Variants in UAP1 observed in about 807,000 individuals in gnomAD.
UAP1 encodes the protein UDP-N-acetylhexosamine pyrophosphorylase.
Under a neutral mutation model 58.5 loss-of-function variants are expected in UAP1, and 25 were observed. The observed-to-expected ratio is 0.43, with a 90% CI of 0.31 to 0.60. UAP1 has a LOEUF of 0.60. Among genes scored for constraint, UAP1 ranks in the 20% least tolerant of loss-of-function variants. UAP1 has a pLI of 0.11. For synonymous variants in UAP1, 208 were observed against 213.0 expected (o/e 0.98, Z 0.21); for missense variants, 575 against 630.0 (o/e 0.91, Z 0.93).
intron 8 of UAP1, among the ~76,000 whole-genome samples, chr1:162,591,466 C>T (rs78959404): frequency 0.01 from 1,592 of 152,192 alleles, 22 homozygotes; most frequent in African/African-American, 0.036. Flanking sequence ...AAGTACTTTT[C>T]AGCTAAATCT....
At chr1:162,581,413 G>T (rs562662751) in exon 5 of UAP1, 1 of 1,614,016 alleles carries the variant, frequency 6.2e-7, no homozygotes, top group Non-Finnish European at 8.5e-7. Context: ...GCAGACCCAC[G>T]GTTCATTGGA....
intron 2 of UAP1, among the ~76,000 whole-genome samples, chr1:162,570,009 T>C (rs1353227828): frequency 6.6e-6 from 1 of 151,822 alleles, no homozygotes; most frequent in African/African-American, 2.4e-5. Flanking sequence ...ATTAGCCAGG[T>C]GTGGTGGCAG....
intron 8 of UAP1, among the ~76,000 whole-genome samples, 182 bp from the exon 9 acceptor site, chr1:162,592,550 C>T (rs556482471): frequency 1.2e-3 from 178 of 152,226 alleles, no homozygotes; most frequent in South Asian, 8.9e-3. Flanking sequence ...ACATTGTCCT[C>T]ATGTTTCATC....
At position 162,567,574 on chromosome 1, in the gene UAP1, T is replaced by C. The variant is rs1181637704; in HGVS notation, c.280+1226T>C. 3.9e-5 allele frequency among the ~76,000 whole-genome samples: 6 copies of C among 152,224 alleles called. No homozygotes were observed. The South Asian group carries it at 8.3e-4, about 21-fold the overall frequency. ...CTGTAAGTAAAATGTTGACTAAATATTGTAGCTGATTCCCTCAGTGTTGGT... is the reference window on the plus strand; with the variant it reads ...CTGTAAGTAAAATGTTGACTAAATACTGTAGCTGATTCCCTCAGTGTTGGT... On this transcript the variant is annotated intron_variant, in intron 2 of 10. Transcript: ENST00000271469.
chr1:162,584,558 C>T lies in UAP1; in HGVS notation c.835-2917C>T, dbSNP rs149883228. ...ATGCAGTGGCATTATCATGGCTTCACTGCAGCCTCGACCTCCTGGGTTCAG... is the reference window on the plus strand; with the variant it reads ...ATGCAGTGGCATTATCATGGCTTCATTGCAGCCTCGACCTCCTGGGTTCAG... On this transcript the variant is annotated intron_variant, in intron 5 of 10. Coordinates refer to ENST00000271469, the Ensembl canonical transcript of UAP1. 8.1e-3 allele frequency among the ~76,000 whole-genome samples: 1,233 copies of T among 152,338 alleles called. 24 individuals are homozygous for T. The highest frequency in any genetic ancestry group is 0.028 in the African/African-American group (1,153 of 41,572).
intron 5 of UAP1, among the ~76,000 whole-genome samples, chr1:162,581,792 A>G (rs376000835): frequency 2.6e-5 from 4 of 152,208 alleles, no homozygotes; most frequent in East Asian, 3.8e-4. Flanking sequence ...TCCTGTGACA[A>G]AGTTATTGGA....
intron 8 of UAP1, 118 bp from the exon 9 acceptor site, chr1:162,592,614 C>T (rs1001171209): frequency 1.0e-5 from 8 of 772,900 alleles, no homozygotes; most frequent in South Asian, 1.7e-5. Flanking sequence ...TCTCTTGGGA[C>T]GAATTTATGA....
chr1:162,590,793 G>T (rs1304296465), intron 8 of UAP1, among the ~76,000 whole-genome samples: 1 of 151,512 alleles, frequency 6.6e-6, no homozygotes, highest in African/African-American at 2.4e-5. Flanking sequence ...ACTAAATAAT[G>T]ATCAGAAGAT....
chr1:162,590,552 G>T, intron 8 of UAP1, 41 bp downstream of exon 8: 5 of 1,499,220 alleles, frequency 3.3e-6, no homozygotes, highest in Admixed American at 2.1e-5. Flanking sequence ...ATCCTTTCTT[G>T]GACTTTTCCT....
At chr1:162,576,621 C>T (rs1162312372) in intron 2 of UAP1, among the ~76,000 whole-genome samples, 156 bp from the exon 3 acceptor site, 3 of 152,196 alleles carry the variant, frequency 2.0e-5, no homozygotes, top group Non-Finnish European at 2.9e-5. Flanking sequence ...AGATTCTCCA[C>T]CACTAGCCTG....
chr1:162,589,199 TTATATTTAAA>T (rs1655133084), intron 7 of UAP1, among the ~76,000 whole-genome samples: 1 of 55,266 alleles, frequency 1.8e-5, no homozygotes, highest in Non-Finnish European at 3.7e-5. Flanking sequence ...ATATTATATA[TTATATTTAAA>T]TATATATAAT....
intron 9 of UAP1, among the ~76,000 whole-genome samples, chr1:162,596,809 A>G (rs927622935): frequency 7.2e-5 from 11 of 152,230 alleles, no homozygotes; most frequent in African/African-American, 2.7e-4. Context: ...TGGTTTGACA[A>G]GAGACTAATA....
downstream of UAP1, among the ~76,000 whole-genome samples, chr1:162,600,724 C>A (rs143736669): frequency 6.7e-6 from 1 of 149,502 alleles, no homozygotes; most frequent in Non-Finnish European, 1.5e-5. Context: ...AGGCCTAAAT[C>A]ATTCATTTAG....
At chr1:162,567,167 C>A (rs1386084466) in intron 2 of UAP1, among the ~76,000 whole-genome samples, 1 of 152,204 alleles carries the variant, frequency 6.6e-6, no homozygotes, top group South Asian at 2.1e-4. Context: ...GGGGAACTTA[C>A]ACTCATTCAT....
At chr1:162,598,180 A>G (rs1655721147) in intron 10 of UAP1, among the ~76,000 whole-genome samples, 1 of 152,160 alleles carries the variant, frequency 6.6e-6, no homozygotes, top group South Asian at 2.1e-4. Flanking sequence ...CAGCCTGGGC[A>G]ATATAGTGAG....
At chr1:162,577,851 C>T (rs1036582775) in intron 3 of UAP1, among the ~76,000 whole-genome samples, 1 of 151,970 alleles carries the variant, frequency 6.6e-6, no homozygotes, top group African/African-American at 2.4e-5. Context: ...ACCTTGTGAT[C>T]TGCCCGTCTC....
At chr1:162,598,506 A>G (rs528658733) in intron 10 of UAP1, among the ~76,000 whole-genome samples, 13 of 152,348 alleles carry the variant, frequency 8.5e-5, no homozygotes, top group African/African-American at 2.9e-4. Flanking sequence ...TGAAAAATAT[A>G]TAATCAGCCT....
intron 1 of UAP1, chr1:162,562,634 T>G (rs1175625874): frequency 6.6e-6 from 1 of 152,184 alleles, no homozygotes; most frequent in East Asian, 1.9e-4. Context: ...TGCAAAAGTT[T>G]AAGGACTTTT....
chr1:162,599,461 A>G, exon 11 of UAP1: 1 of 740,096 alleles, frequency 1.4e-6, no homozygotes, highest in Non-Finnish European at 2.3e-6. Flanking sequence ...TGAAGTTTAA[A>G]TATCCACAGG....
Sources: allele counts gnomAD v4.1 joint callset (sites outside exome capture counted in the v4.1 genomes callset), GRCh38; gene constraint gnomAD v4.1.1; transcripts MANE v1.5; gene names NCBI Gene and HGNC (gene_info 2026-07-23, HGNC 2026-07-21).